MYCBP2: variants seen among roughly 807,000 people sequenced by gnomAD.
MYCBP2 encodes the protein E3 ubiquitin-protein ligase MYCBP2.
A neutral mutation model predicts 525.3 loss-of-function variants in MYCBP2; 120 were observed. That is an observed-to-expected ratio of 0.23 (90% CI 0.20 to 0.27). MYCBP2 has a LOEUF of 0.27. MYCBP2 is among the 10% of genes least tolerant of loss of function. The pLI is 1.00. For synonymous variants in MYCBP2, 1,894 were observed against 1,955.8 expected, an observed-to-expected ratio of 0.97 and a Z score of 0.83; for missense variants, 4,149 against 5,657.1, an observed-to-expected ratio of 0.73 and a Z score of 8.55.
At chr13:77,294,139 T>TATATATATATATATACATATATATAC in intron 2 of MYCBP2, among the ~76,000 whole-genome samples, 1 of 129,532 alleles carries the variant, frequency 7.7e-6, no homozygotes, top group Non-Finnish European at 1.6e-5. Flanking sequence ...TACATATATA[T>TATATATATATATATACATATATATAC]ATACATATAT....
intron 26 of MYCBP2, among the ~76,000 whole-genome samples, chr13:77,199,952 C>T (rs2062279163): frequency 6.6e-6 from 1 of 152,184 alleles, no homozygotes; most frequent in African/African-American, 2.4e-5. Flanking sequence ...AAAAACAGAG[C>T]AGAAAAACTG....
intron 71 of MYCBP2, 64 bp from the exon 72 acceptor site, chr13:77,066,152 A>G: frequency 8.8e-7 from 1 of 1,137,416 alleles, no homozygotes; most frequent in Non-Finnish European, 1.3e-6. Context: ...AATGAAAAAG[A>G]TGAAAATGTT....
chr13:77,132,739 A>T (rs1258815326), intron 52 of MYCBP2, among the ~76,000 whole-genome samples: 1 of 152,128 alleles, frequency 6.6e-6, no homozygotes, highest in Non-Finnish European at 1.5e-5. Context: ...GAAACCATTA[A>T]CATCTCCTAT....
intron 46 of MYCBP2, among the ~76,000 whole-genome samples, chr13:77,151,379 G>A (rs376787733): frequency 6.6e-6 from 1 of 152,130 alleles, no homozygotes; most frequent in Non-Finnish European, 1.5e-5. Context: ...TTCTACAGAA[G>A]AAAATGTACT....
chr13:77,270,269 T>C (rs1202155298), intron 6 of MYCBP2, 27 bp downstream of exon 6: 4 of 1,586,034 alleles, frequency 2.5e-6, no homozygotes, highest in Non-Finnish European at 3.4e-6. Context: ...CTCTGTATAA[T>C]TAAGGAACTG....
intron 82 of MYCBP2, among the ~76,000 whole-genome samples, chr13:77,047,735 T>G (rs901551321): frequency 1.3e-5 from 2 of 152,164 alleles, no homozygotes; most frequent in African/African-American, 4.8e-5. Context: ...AATGCCTTTG[T>G]CCTTTGTATA....
intron 7 of MYCBP2, 63 bp from the exon 8 acceptor site, chr13:77,268,000 C>CT: frequency 1.0e-6 from 1 of 954,006 alleles, no homozygotes; most frequent in South Asian, 1.4e-5. Flanking sequence ...AAACAGCAGC[C>CT]ATACAGCTCC....
Position 77,117,918 on chromosome 13 carries a change from G to A in MYCBP2, c.8140+3455C>T, listed in dbSNP as rs527402546. The stretch of plus-strand genomic sequence containing the variant: ...CAACAAAAAAATAAAAATAAAGACA[G>A]GAAACAACAATTTGAGAAAACCGGG... On this transcript the variant is annotated intron_variant, in intron 55 of 82. Transcript: ENST00000544440. 3.3e-5 allele frequency among the ~76,000 whole-genome samples: 5 copies of A among 152,088 alleles called. No individual in the cohort carries two copies. The South Asian group carries it at 1.0e-3, about 31-fold the overall frequency.
At chr13:77,105,313 GA>G (rs1183351528) in intron 55 of MYCBP2, among the ~76,000 whole-genome samples, 3 of 152,058 alleles carry the variant, frequency 2.0e-5, no homozygotes, top group Non-Finnish European at 4.4e-5. Flanking sequence ...AAAAAAGTTT[GA>G]AGGCAAAATG....
chr13:77,233,075 G>T (rs2067347192), intron 18 of MYCBP2, 81 bp downstream of exon 18: 1 of 1,202,464 alleles, frequency 8.3e-7, no homozygotes, highest in African/African-American at 1.5e-5. Flanking sequence ...TCAGGTTTGT[G>T]CATTTTCCCA....
At chr13:77,155,290 T>C (rs2057073120) in intron 46 of MYCBP2, among the ~76,000 whole-genome samples, 1 of 152,132 alleles carries the variant, frequency 6.6e-6, no homozygotes, top group Admixed American at 6.5e-5. Context: ...CTACTGAAAA[T>C]AATATTGAGG....
At chr13:77,246,332 A>G (rs1218840525) in intron 15 of MYCBP2, among the ~76,000 whole-genome samples, 1 of 152,188 alleles carries the variant, frequency 6.6e-6, no homozygotes, top group African/African-American at 2.4e-5. Context: ...GACTGACACT[A>G]TTTTTAAAAT....
chr13:77,177,648 T>C (rs1243572749), intron 35 of MYCBP2, 100 bp downstream of exon 35: 4 of 937,812 alleles, frequency 4.3e-6, no homozygotes, highest in Non-Finnish European at 5.0e-6. Context: ...GTGTCATTCA[T>C]CAGTGATTGA....
chr13:77,188,889 A>G (rs2061018317), intron 30 of MYCBP2, 62 bp downstream of exon 30: 1 of 1,160,222 alleles, frequency 8.6e-7, no homozygotes, highest in Admixed American at 2.5e-5. Context: ...GCTAAACTCT[A>G]AACATCAAAA....
At chr13:77,168,321 A>G (rs541119830) in intron 40 of MYCBP2, 107 bp downstream of exon 40, 113 of 859,530 alleles carry the variant, frequency 1.3e-4, no homozygotes, top group South Asian at 1.1e-3. Flanking sequence ...TGTAAATACT[A>G]TAAAAGAAAA....
chr13:77,243,045 T>C lies in MYCBP2; in HGVS notation c.2629+14A>G, dbSNP rs1159922716. On this transcript the variant is annotated intron_variant, in intron 17 of 82. Coordinates refer to ENST00000544440, the MANE Select transcript of MYCBP2 (RefSeq NM_015057.5). ...TGGATTTTCATGTACTTTTTCTCTG[T>C]AGCTACATCTTACCTCTTCCTTCCT... The C allele has an allele frequency of 1.2e-6, 2 of 1,610,724 alleles. No homozygotes were observed. The highest frequency in any genetic ancestry group is 1.3e-5 in the African/African-American group (1 of 74,872).
At chr13:77,162,605 T>C (rs2058069703) in intron 43 of MYCBP2, among the ~76,000 whole-genome samples, 3 of 152,296 alleles carry the variant, frequency 2.0e-5, no homozygotes, top group Admixed American at 2.0e-4. Flanking sequence ...TCTAGAAACT[T>C]GGTGTGCAAA....
In MYCBP2 at chr13:77,177,838, T is replaced by C. The variant is rs1434707765; in HGVS notation, c.5250A>G (p.Ser1750=). ...CCACAACTATTCCAGGTTTGTCTAC[T>C]GAAAAACAGATTGCATCAGGGGACC... The part of the protein sequence containing the change: ...GNGSPDAICF[S]VDKPGIVVVG... The change falls in exon 35 of 83, where the codon TCA becomes TCG. Residue 1750 remains serine, a synonymous_variant. Transcript: ENST00000544440. 4 of 1,613,974 alleles carry C rather than the reference T, an allele frequency of 2.5e-6. No homozygotes were observed. Among genetic ancestry groups the C allele is most frequent in the South Asian group, 2.2e-5 (2 of 91,082 alleles).
At chr13:77,139,104 T>C (rs2054193044) in intron 52 of MYCBP2, 92 bp downstream of exon 52, 1 of 1,338,974 alleles carries the variant, frequency 7.5e-7, no homozygotes, top group East Asian at 2.3e-5. Flanking sequence ...TAGTTGTGGG[T>C]TACCTCAGAA....
Sources: allele counts gnomAD v4.1 joint callset (sites outside exome capture counted in the v4.1 genomes callset), GRCh38; gene constraint gnomAD v4.1.1; transcripts MANE v1.5; gene names NCBI Gene and HGNC (gene_info 2026-07-23, HGNC 2026-07-21).